Variants in LRRC74A observed in about 807,000 individuals in gnomAD.
LRRC74A encodes leucine rich repeat containing 74A, also known as leucine-rich repeat-containing protein 74A.
A neutral mutation model predicts 57.9 loss-of-function variants in LRRC74A; 44 were observed. The observed-to-expected ratio is 0.76, with a 90% confidence interval of 0.60 to 0.98. LRRC74A has a LOEUF of 0.98. Ranked by LOEUF, LRRC74A falls within the 50% of genes least tolerant of loss-of-function variation. The pLI, the probability that LRRC74A is intolerant of heterozygous loss-of-function variation, is 0.00. For synonymous variants in LRRC74A, 211 were observed against 219.4 expected (o/e 0.96, Z 0.34); for missense variants, 572 against 574.0 (o/e 1.00, Z 0.04).
rs138111283 is a variant in LRRC74A at position 76,831,293 on chromosome 14, G to T, written c.257G>T (p.Arg86Leu). ...GTAGTGCCTGTCTCCTACTTCATTC[G>T]GAACATGGAGGAGTCCTACGTGAAC... ...MGVVPVSYFI[R>L]NMEESYVNLN... Residue 86 changes from arginine to leucine, a missense_variant, in exon 3 of 14, where the codon CGG becomes CTG. Transcript: ENST00000689127. The T allele has an allele frequency of 2.5e-5, 40 of 1,613,988 alleles. No homozygotes were observed. The Middle Eastern group carries it at 1.8e-3, about 73-fold the overall frequency.
intron 7 of LRRC74A, among the ~76,000 whole-genome samples, chr14:76,847,055 G>T (rs1410657891): frequency 6.6e-6 from 1 of 152,160 alleles, no homozygotes. Flanking sequence ...TCACAGAGGA[G>T]GAAGAGGAGT....
intron 11 of LRRC74A, among the ~76,000 whole-genome samples, chr14:76,865,346 T>C (rs1034711341): frequency 1.3e-5 from 2 of 152,214 alleles, no homozygotes; most frequent in Non-Finnish European, 2.9e-5. Context: ...TTTTGGTATC[T>C]GAGGGGGTCC....
At chr14:76,860,965 T>C (rs1898257842) in intron 11 of LRRC74A, 126 bp downstream of exon 11, 2 of 920,576 alleles carry the variant, frequency 2.2e-6, no homozygotes, top group South Asian at 1.9e-5. Flanking sequence ...ATAAGGAATG[T>C]CTCAGTCCCT....
At chr14:76,867,291 G>A (rs1331306136) in intron 12 of LRRC74A, 65 bp from the exon 13 acceptor site, 6 of 520,052 alleles carry the variant, frequency 1.2e-5, no homozygotes, top group Non-Finnish European at 1.8e-5. Flanking sequence ...TGTGTTTGGG[G>A]GGGTGTGCCT....
chr14:76,866,751 A>G (rs943002244), intron 12 of LRRC74A, among the ~76,000 whole-genome samples: 9 of 151,624 alleles, frequency 5.9e-5, no homozygotes, highest in Non-Finnish European at 8.8e-5. Flanking sequence ...CCTGACTCTG[A>G]TCTCCTCCTG....
intron 5 of LRRC74A, among the ~76,000 whole-genome samples, chr14:76,840,743 C>T (rs911974501): frequency 4.6e-5 from 7 of 151,918 alleles, no homozygotes; most frequent in African/African-American, 1.7e-4. Context: ...GCCACCTCGC[C>T]CGGCTAATTT....
chr14:76,866,159 G>C, intron 12 of LRRC74A, 84 bp downstream of exon 12: 1 of 1,032,232 alleles, frequency 9.7e-7, no homozygotes, highest in Non-Finnish European at 1.5e-6. Context: ...GGAGGAGAAG[G>C]AGCAAAAGAG....
In LRRC74A at chr14:76,855,436, C is replaced by T. The variant is rs370536887; in HGVS notation, c.958-1944C>T. ...ATACATGGTTTAAACCATTTTTTAC[C>T]GCTTTTCTCATTTTTCCACAATGAC... On this transcript the variant is annotated intron_variant, in intron 9 of 13. Transcript: ENST00000689127. Among the ~76,000 whole-genome samples the T allele has an allele frequency of 3.3e-4, 51 of 152,272 alleles. 3 individuals carry two copies. In the South Asian group the frequency reaches 8.1e-3, roughly 24 times the overall value.
intron 11 of LRRC74A, among the ~76,000 whole-genome samples, chr14:76,865,538 T>C (rs1317076639): frequency 6.6e-6 from 1 of 152,226 alleles, no homozygotes; most frequent in East Asian, 1.9e-4. Flanking sequence ...TTTAACCTTT[T>C]GATCTCTGAA....
chr14:76,857,120 A>AGAAGGATG (rs1897957359), intron 9 of LRRC74A, among the ~76,000 whole-genome samples: 1 of 147,522 alleles, frequency 6.8e-6, no homozygotes, highest in African/African-American at 2.6e-5. Context: ...GTAGGTGGAT[A>AGAAGGATG]GATGGATGGA....
At chr14:76,829,753 T>G (rs539925939) in intron 2 of LRRC74A, among the ~76,000 whole-genome samples, 18 of 152,252 alleles carry the variant, frequency 1.2e-4, no homozygotes, top group African/African-American at 4.3e-4. Flanking sequence ...CTGTCCTGAA[T>G]GGTAACTCGG....
chr14:76,851,900 G>A (rs566751161), intron 7 of LRRC74A, among the ~76,000 whole-genome samples: 23 of 151,888 alleles, frequency 1.5e-4, no homozygotes, highest in African/African-American at 2.4e-4. Flanking sequence ...TCTTGACTTC[G>A]TGATCTGCCC....
intron 9 of LRRC74A, among the ~76,000 whole-genome samples, chr14:76,855,744 C>T (rs1036226365): frequency 4.6e-5 from 7 of 152,178 alleles, no homozygotes; most frequent in South Asian, 4.1e-4. Context: ...GAGCCTGGGA[C>T]GCAGCTGACA....
rs1167179924 is a variant in LRRC74A, at chr14:76,844,903, TGA to T, written c.676+4_676+5del. 6.6e-7 allele frequency: 1 copy of T among 1,519,122 alleles called. No homozygotes were observed. Among genetic ancestry groups the T allele is most frequent in the Non-Finnish European group, 9.1e-7 (1 of 1,094,198 alleles). The allele number at this position is 1,519,122 out of a possible 1,614,324, so 94.1% of individuals were successfully genotyped here. ...GGGAGCACCTGGGCCAGATGCTGGGTGAGTCTCCCTGGAGGAAGGGACAGCAA... is the reference window on the plus strand; with the variant it reads ...GGGAGCACCTGGGCCAGATGCTGGGTGTCTCCCTGGAGGAAGGGACAGCAA... On this transcript the variant is annotated splice_donor_region_variant and intron_variant, in intron 7 of 13. Transcript: ENST00000689127.
intron 13 of LRRC74A, among the ~76,000 whole-genome samples, chr14:76,868,863 C>T (rs1052075513): frequency 3.9e-5 from 6 of 152,272 alleles, no homozygotes; most frequent in Non-Finnish European, 7.3e-5. Context: ...GTGCGCGGAT[C>T]TCCTCTCCCT....
intron 11 of LRRC74A, among the ~76,000 whole-genome samples, chr14:76,864,414 GGGGGGGGGGTGGCGGGGGGAA>G (rs1898589011): frequency 6.5e-5 from 3 of 46,468 alleles, no homozygotes; most frequent in Non-Finnish European, 1.3e-4. Context: ...AGAGGAAGGG[GGGGGGGGGGTGGCGGGGGGAA>G]GGGGGGTGGC....
intron 11 of LRRC74A, among the ~76,000 whole-genome samples, chr14:76,863,521 A>G (rs1274042192): frequency 6.6e-6 from 1 of 152,024 alleles, no homozygotes; most frequent in Admixed American, 6.6e-5. Flanking sequence ...ACACAATGTC[A>G]CTTCCTGGGG....
intron 12 of LRRC74A, among the ~76,000 whole-genome samples, chr14:76,866,384 C>A (rs774816720): frequency 6.6e-6 from 1 of 152,194 alleles, no homozygotes; most frequent in Non-Finnish European, 1.5e-5. Context: ...GGGCAGATAA[C>A]AAAGGGAGTG....
chr14:76,853,986 C>T (rs919005014), intron 9 of LRRC74A, among the ~76,000 whole-genome samples: 4 of 152,114 alleles, frequency 2.6e-5, no homozygotes, highest in African/African-American at 9.7e-5. Flanking sequence ...AGTCTCCTGT[C>T]TTTCAGCTTA....
Sources: allele counts gnomAD v4.1 joint callset (sites outside exome capture counted in the v4.1 genomes callset), GRCh38; gene constraint gnomAD v4.1.1; transcripts MANE v1.5; gene names NCBI Gene and HGNC (gene_info 2026-07-23, HGNC 2026-07-21).